The following CUX2 variants were observed in gnomAD, a reference collection of about 807,000 sequenced individuals.
CUX2 encodes homeobox protein cut-like 2.
CUX2 carries 40 observed loss-of-function variants against 144.8 expected under a neutral mutation model. That is an observed-to-expected ratio of 0.28 (90% CI 0.21 to 0.36). The LOEUF (loss-of-function observed/expected upper bound fraction) is 0.36, where lower values mean the gene tolerates loss of function less well. Among genes scored for constraint, CUX2 ranks in the 10% least tolerant of loss-of-function variants. The pLI, the probability that CUX2 is intolerant of heterozygous loss-of-function variation, is 1.00. For missense variants in CUX2, 1,615 were observed against 1,994.0 expected, an observed-to-expected ratio of 0.81 and a Z score of 3.62; for synonymous variants, 827 against 875.6, an observed-to-expected ratio of 0.94 and a Z score of 0.98.
intron 1 of CUX2, among the ~76,000 whole-genome samples, chr12:111,162,211 C>G (rs1877818304): frequency 6.6e-6 from 1 of 152,224 alleles, no homozygotes; most frequent in South Asian, 2.1e-4. Context: ...GTGAGAACTG[C>G]CCCTGGCCAC....
At chr12:111,187,313 T>C (rs1356346345) in intron 1 of CUX2, among the ~76,000 whole-genome samples, 1 of 152,204 alleles carries the variant, frequency 6.6e-6, no homozygotes, top group Non-Finnish European at 1.5e-5. Flanking sequence ...CCTTTGCACC[T>C]GCTGTGCCCC....
rs1405248586 is a variant in CUX2, at chr12:111,035,229, T to C, written c.63+989T>C. 6.6e-6 allele frequency among the ~76,000 whole-genome samples: 1 copy of C among 152,244 alleles called. No homozygotes were observed. Among genetic ancestry groups the C allele is most frequent in the Non-Finnish European group, 1.5e-5 (1 of 68,042 alleles). ...CTGCTTTTCTTCTGTTTCTTTCCTC[T>C]CTTCCCTGCTCTTTCTCTCTCCTTC... On this transcript the variant is annotated intron_variant, in intron 1 of 21. Transcript: ENST00000261726. This position sits in a 1 kb window ranked among gnomAD's most constrained non-coding sequence, Gnocchi z 6.0.
chr12:111,058,090 A>C (rs745485819), intron 1 of CUX2, among the ~76,000 whole-genome samples: 3 of 152,226 alleles, frequency 2.0e-5, no homozygotes, highest in Non-Finnish European at 2.9e-5. Flanking sequence ...TTCTTATTAA[A>C]CATTATTCAG....
intron 18 of CUX2, among the ~76,000 whole-genome samples, chr12:111,324,755 C>T (rs533514439): frequency 6.6e-6 from 1 of 152,076 alleles, no homozygotes; most frequent in African/African-American, 2.4e-5. Flanking sequence ...CCACCTTGGC[C>T]TCCCAAGGTG....
At chr12:111,334,117 G>A (rs1888235144) in intron 18 of CUX2, among the ~76,000 whole-genome samples, 1 of 144,314 alleles carries the variant, frequency 6.9e-6, no homozygotes, top group East Asian at 2.1e-4. Context: ...AACCCGGGAG[G>A]CGGAGGTTGC....
At chr12:111,251,218 G>A (rs1302128667) in intron 3 of CUX2, among the ~76,000 whole-genome samples, 1 of 152,170 alleles carries the variant, frequency 6.6e-6, no homozygotes, top group Non-Finnish European at 1.5e-5. Flanking sequence ...TGTTCAGGTA[G>A]CTGGTGAATT....
intron 1 of CUX2, among the ~76,000 whole-genome samples, chr12:111,132,557 CTTTTTTTTTTTTTT>C (rs1182564665): frequency 1.0e-5 from 1 of 97,170 alleles, no homozygotes; most frequent in Admixed American, 1.1e-4. Flanking sequence ...GCTCTGTTTC[CTTTTTTTTTTTTTT>C]TTTTTTTTTT....
chr12:111,063,507 G>A (rs567931003), intron 1 of CUX2, among the ~76,000 whole-genome samples: 5 of 152,324 alleles, frequency 3.3e-5, no homozygotes, highest in African/African-American at 4.8e-5. Context: ...ATCGCGAGGC[G>A]GCACCATCGC....
At chr12:111,221,972 T>A (rs998293357) in intron 3 of CUX2, among the ~76,000 whole-genome samples, 1 of 152,154 alleles carries the variant, frequency 6.6e-6, no homozygotes, top group African/African-American at 2.4e-5. Context: ...CAGCTTGAAA[T>A]GGCCAAAGTT....
intron 1 of CUX2, among the ~76,000 whole-genome samples, chr12:111,138,427 C>T (rs909960351): frequency 7.9e-5 from 12 of 152,086 alleles, no homozygotes; most frequent in African/African-American, 2.9e-4. Flanking sequence ...GGCTGCCTGT[C>T]AGCCCTTCAT....
rs79714899 is a variant in CUX2, at chr12:111,160,062, G to T, written c.64-54138G>T. ...ACAACAACTACAAAAAAAGCAAAAG[G>T]AGTTAGGGGATGATTCCTTCTTTCC... On this transcript the variant is annotated intron_variant, in intron 1 of 21. Coordinates refer to ENST00000261726, the MANE Select transcript of CUX2 (RefSeq NM_015267.4). This position sits in a 1 kb window ranked among gnomAD's most constrained non-coding sequence, Gnocchi z 4.1. Among the ~76,000 whole-genome samples, 1,534 of 152,206 alleles carry T rather than the reference G, an allele frequency of 0.01. 30 individuals carry two copies. The highest frequency in any genetic ancestry group is 0.035 in the African/African-American group (1,450 of 41,520).
chr12:111,334,503 A>C lies in CUX2; in HGVS notation c.2989A>C (p.Ser997Arg). Residue 997 changes from serine to arginine, a missense_variant, in exon 19 of 22, where the codon AGC (serine) becomes CGC (arginine). Around this residue, in one of 12 missense-constraint regions of CUX2, gnomAD observed 128 missense variants for 124.4 expected, o/e 1.03. Transcript: ENST00000261726. Reference protein sequence around the residue: ...PPPSPTEPEKSSQEPLSLSLE... With the variant: ...PPPSPTEPEKRSQEPLSLSLE... The stretch of plus-strand genomic sequence containing the variant: ...CCCCAGCCCCACAGAGCCTGAGAAG[A>C]GCTCCCAGGAGCCGTTGAGCCTGTC... 6.2e-7 allele frequency: 1 copy of C among 1,613,432 alleles called. No individual in the cohort carries two copies. Among genetic ancestry groups the C allele is most frequent in the Non-Finnish European group, 8.5e-7 (1 of 1,179,762 alleles).
At chr12:111,036,656 A>G (rs1033596275) in intron 1 of CUX2, among the ~76,000 whole-genome samples, 4 of 149,760 alleles carry the variant, frequency 2.7e-5, no homozygotes, top group African/African-American at 9.8e-5. Context: ...CGTTAAAACA[A>G]TGGCTAGTGT....
In CUX2 at chr12:111,289,616, G is replaced by A. The variant is rs1885567171; in HGVS notation, c.302-1802G>A. Among the ~76,000 whole-genome samples, 1 of 152,300 alleles carries A rather than the reference G, an allele frequency of 6.6e-6. No individual in the cohort carries two copies. Among genetic ancestry groups the A allele is most frequent in the Non-Finnish European group, 1.5e-5 (1 of 68,024 alleles). On this transcript the variant is annotated intron_variant, in intron 4 of 21. Coordinates refer to ENST00000261726, the MANE Select transcript of CUX2 (RefSeq NM_015267.4). This position sits in a 1 kb window ranked among gnomAD's most constrained non-coding sequence, Gnocchi z 4.1. ...AGAGTGTAAGGAAGCGGATGTGCTTGCGGTGTAAAGGGCTGGGAGAGGGAA... is the reference window on the plus strand; with the variant it reads ...AGAGTGTAAGGAAGCGGATGTGCTTACGGTGTAAAGGGCTGGGAGAGGGAA...
At position 111,108,812 on chromosome 12, in the gene CUX2, G is replaced by T. The variant is rs187208517; in HGVS notation, c.63+74572G>T. Among the ~76,000 whole-genome samples, 19 of 151,804 alleles carry T rather than the reference G, an allele frequency of 1.3e-4. No homozygotes were observed. In the East Asian group the frequency reaches 2.3e-3, roughly 19 times the overall value. On this transcript the variant is annotated intron_variant, in intron 1 of 21. Coordinates refer to ENST00000261726, the MANE Select transcript of CUX2 (RefSeq NM_015267.4). Reference sequence around the variant, plus strand: ...CTTGCTGAAGAAATCAGGCTGTCCTGTAGAGCTTCTGTCCATTGGGTTTGG... The same window carrying T: ...CTTGCTGAAGAAATCAGGCTGTCCTTTAGAGCTTCTGTCCATTGGGTTTGG...
intron 1 of CUX2, among the ~76,000 whole-genome samples, chr12:111,065,262 T>G (rs927710998): frequency 2.6e-5 from 4 of 152,252 alleles, no homozygotes; most frequent in South Asian, 4.1e-4. Context: ...AGAAATAAAC[T>G]AATGAGTGGG....
intron 1 of CUX2, among the ~76,000 whole-genome samples, chr12:111,132,960 A>G (rs891459183): frequency 1.3e-5 from 2 of 152,048 alleles, no homozygotes; most frequent in Admixed American, 6.6e-5. Flanking sequence ...AGATACCCTA[A>G]ATCATCTCTC....
chr12:111,097,857 G>A (rs1038349886), intron 1 of CUX2, among the ~76,000 whole-genome samples: 1 of 152,246 alleles, frequency 6.6e-6, no homozygotes, highest in African/African-American at 2.4e-5. Flanking sequence ...TCCAGGGCGT[G>A]TGAGTCGTTT....
At chr12:111,208,619 T>C (rs1416761062) in intron 1 of CUX2, among the ~76,000 whole-genome samples, 1 of 152,204 alleles carries the variant, frequency 6.6e-6, no homozygotes, top group Non-Finnish European at 1.5e-5. Context: ...CGTTTTCTCA[T>C]CTTTAAATGG....
Sources: allele counts gnomAD v4.1 joint callset (sites outside exome capture counted in the v4.1 genomes callset), GRCh38; gene constraint gnomAD v4.1.1; regional missense constraint gnomAD v4.1.1; non-coding constraint Gnocchi (gnomAD v3.1); transcripts MANE v1.5; gene names NCBI Gene and HGNC (gene_info 2026-07-23, HGNC 2026-07-21).